DENND1A: variants seen among roughly 807,000 people sequenced by gnomAD.
DENND1A encodes the protein DENN domain containing 1A.
Under a neutral mutation model 113.7 loss-of-function variants are expected in DENND1A, and 51 were observed. The ratio of observed to expected loss-of-function variants is 0.45; its 90% CI spans 0.36 to 0.57. The LOEUF is 0.57. Ranked by LOEUF, DENND1A falls within the 20% of genes least tolerant of loss-of-function variation. The pLI, the probability that DENND1A is intolerant of heterozygous loss-of-function variation, is 0.00. For missense variants in DENND1A, 1,258 were observed against 1,395.9 expected, an observed-to-expected ratio of 0.90 and a Z score of 1.57; for synonymous variants, 565 against 570.8, an observed-to-expected ratio of 0.99 and a Z score of 0.14.
chr9:123,662,999 A>C (rs1310144488), intron 8 of DENND1A, among the ~76,000 whole-genome samples: 3 of 152,218 alleles, frequency 2.0e-5, no homozygotes, highest in African/African-American at 7.2e-5. Flanking sequence ...AGTTACTCAA[A>C]AATACAGAGG....
Position 123,620,232 on chromosome 9 carries a change from A to AAAAAAAAAAAAG in DENND1A, c.719+10143_719+10144insCTTTTTTTTTTT, listed in dbSNP as rs1554916729. ...CCATCTCAAAAAAAAAAAAAAAAAA[A>AAAAAAAAAAAAG]AAAAAAGAAAAGAAAAAGAAAAAAA... is the stretch of plus-strand genomic sequence containing the variant. On this transcript the variant is annotated intron_variant, in intron 10 of 23. Coordinates refer to ENST00000394215, the MANE Select transcript of DENND1A (RefSeq NM_001352964.2). Among the ~76,000 whole-genome samples the AAAAAAAAAAAAG allele has an allele frequency of 1.4e-3, 164 of 114,176 alleles. 2 individuals carry two copies. Among genetic ancestry groups the AAAAAAAAAAAAG allele is most frequent in the African/African-American group, 4.6e-3 (123 of 26,736 alleles). 74.9% of individuals were successfully genotyped at this position (114,176 alleles called of 152,430 possible). A position where few individuals can be genotyped will look rare whatever the true frequency, so the allele number is the denominator to read the frequency against.
chr9:123,599,160 G>A (rs76754274), intron 11 of DENND1A, among the ~76,000 whole-genome samples: 1,756 of 152,314 alleles, frequency 0.012, 32 homozygotes, highest in African/African-American at 0.039. Context: ...GATCATAAAT[G>A]TTTGAATCCA....
chr9:123,486,769 C>A (rs1449176721), intron 13 of DENND1A, among the ~76,000 whole-genome samples: 1 of 152,218 alleles, frequency 6.6e-6, no homozygotes, highest in Non-Finnish European at 1.5e-5. Context: ...TCCATGGTCC[C>A]CCAACCTTCT....
At chr9:123,554,036 G>A (rs999769425) in intron 13 of DENND1A, among the ~76,000 whole-genome samples, 8 of 152,180 alleles carry the variant, frequency 5.3e-5, no homozygotes, top group African/African-American at 1.9e-4. Flanking sequence ...GATTATAGGC[G>A]TGAGCCAATG....
intron 5 of DENND1A, among the ~76,000 whole-genome samples, chr9:123,725,811 A>G (rs935096987): frequency 6.6e-6 from 1 of 152,238 alleles, no homozygotes; most frequent in African/African-American, 2.4e-5. Flanking sequence ...GGCATAACTT[A>G]ATTCTGTCAC....
At chr9:123,729,541 A>C (rs113950105) in intron 5 of DENND1A, among the ~76,000 whole-genome samples, 17 of 152,152 alleles carry the variant, frequency 1.1e-4, no homozygotes, top group African/African-American at 3.9e-4. Context: ...ACCTAGGAAT[A>C]CAACTTACAA....
At chr9:123,551,255 T>C (rs1032750386) in intron 13 of DENND1A, among the ~76,000 whole-genome samples, 2 of 152,200 alleles carry the variant, frequency 1.3e-5, no homozygotes, top group African/African-American at 4.8e-5. Flanking sequence ...CTGAAGCCCA[T>C]AGATAGGACA....
At chr9:123,902,035 C>T (rs1468775762) in intron 1 of DENND1A, among the ~76,000 whole-genome samples, 4 of 151,766 alleles carry the variant, frequency 2.6e-5, no homozygotes, top group South Asian at 2.1e-4. Context: ...AAAATAAAGG[C>T]GATGTCATGT....
At chr9:123,436,285 G>A (rs780867048) in intron 19 of DENND1A, among the ~76,000 whole-genome samples, 10 of 152,218 alleles carry the variant, frequency 6.6e-5, no homozygotes, top group South Asian at 2.1e-4. Context: ...CCAGGGCAAC[G>A]CCCTCCCGCA....
chr9:123,517,922 T>C (rs1241977627), intron 13 of DENND1A, among the ~76,000 whole-genome samples: 1 of 152,200 alleles, frequency 6.6e-6, no homozygotes, highest in Non-Finnish European at 1.5e-5. Flanking sequence ...TGACCTTTCT[T>C]TCTCTATGCT....
At chr9:123,631,483 C>A (rs1370454272) in intron 9 of DENND1A, among the ~76,000 whole-genome samples, 4 of 152,110 alleles carry the variant, frequency 2.6e-5, no homozygotes, top group African/African-American at 9.7e-5. Flanking sequence ...AATAATTTAT[C>A]CTTAATTTTC....
At chr9:123,474,375 A>G (rs895084961) in intron 13 of DENND1A, among the ~76,000 whole-genome samples, 1 of 152,300 alleles carries the variant, frequency 6.6e-6, no homozygotes, top group East Asian at 1.9e-4. Context: ...CTCTCTATAA[A>G]CATCAGCTGT....
intron 10 of DENND1A, among the ~76,000 whole-genome samples, chr9:123,610,446 G>A (rs751863895): frequency 4.6e-5 from 7 of 152,100 alleles, no homozygotes; most frequent in Admixed American, 1.3e-4. Flanking sequence ...GGTAGACCTG[G>A]GATTTGATTC....
At chr9:123,413,969 C>T in intron 19 of DENND1A, 1 of 989,356 alleles carries the variant, frequency 1.0e-6, no homozygotes, top group African/African-American at 1.7e-5. Flanking sequence ...AATACTGCTT[C>T]TCTTATGCTT....
In DENND1A at chr9:123,432,157, C is replaced by T. The variant is rs193155138; in HGVS notation, c.1488+8203G>A. On this transcript the variant is annotated intron_variant, in intron 19 of 23. Transcript: ENST00000394215. ...GCTGAATGCCTAATCACATAGCTCC[C>T]GAATGTTCAACTCAATCGTTATGAA... Among the ~76,000 whole-genome samples the T allele has an allele frequency of 1.4e-4, 22 of 152,302 alleles. No individual in the cohort carries two copies. The South Asian group carries it at 2.3e-3, about 16-fold the overall frequency.
chr9:123,695,075 T>C (rs1017833945), intron 5 of DENND1A, among the ~76,000 whole-genome samples: 3 of 152,074 alleles, frequency 2.0e-5, no homozygotes, highest in African/African-American at 7.2e-5. Context: ...TCATGCTGGA[T>C]TGTTTCCTGG....
chr9:123,465,025 C>T (rs2048825685), intron 13 of DENND1A, among the ~76,000 whole-genome samples: 1 of 136,340 alleles, frequency 7.3e-6, no homozygotes, highest in Admixed American at 7.7e-5. Context: ...AAAAATTAGC[C>T]AGGCGTGGTG....
At position 123,381,215 on chromosome 9, in the gene DENND1A, A is replaced by G. The variant is rs965582229; in HGVS notation, c.*217T>C. On this transcript the variant is annotated 3_prime_UTR_variant, in exon 24 of 24. Transcript: ENST00000394215. The surrounding 1 kb of genome is among the most constrained non-coding windows in gnomAD (Gnocchi z 4.7). Reference sequence around the variant, plus strand: ...CAACCGCGGGGTGGGATGGGCACTCAGGAACTGGGTTGATTCCCAGGCTGG... The same window carrying G: ...CAACCGCGGGGTGGGATGGGCACTCGGGAACTGGGTTGATTCCCAGGCTGG... 5.0e-6 allele frequency: 3 copies of G among 599,388 alleles called. No homozygotes were observed. The highest frequency in any genetic ancestry group is 6.1e-5 in the Admixed American group (2 of 33,028). 37.1% of individuals were successfully genotyped at this position (599,388 alleles called of 1,614,324 possible). A position where few individuals can be genotyped will look rare whatever the true frequency, so the allele number is the denominator to read the frequency against.
chr9:123,767,454 G>A (rs545215614), intron 4 of DENND1A, among the ~76,000 whole-genome samples: 1 of 152,016 alleles, frequency 6.6e-6, no homozygotes, highest in South Asian at 2.1e-4. Context: ...AATTTGGAGA[G>A]AAGGATTCTG....
Sources: gnomAD v4.1 joint callset for allele counts (sites outside exome capture counted in the v4.1 genomes callset) on GRCh38, gnomAD v4.1.1 for gene constraint, Gnocchi (gnomAD v3.1) non-coding constraint, MANE v1.5 for transcripts, NCBI Gene and HGNC (gene_info 2026-07-23, HGNC 2026-07-21) for gene names.